USP8: variants seen among roughly 807,000 people sequenced by gnomAD.
USP8 encodes the protein ubiquitin specific peptidase 8.
In USP8, 27 loss-of-function variants were observed where a neutral mutation model predicts 130.0. The observed-to-expected ratio is 0.21, with a 90% confidence interval of 0.15 to 0.29. The LOEUF is 0.29. USP8 is among the 10% of genes least tolerant of loss of function. The probability of loss-of-function intolerance (pLI) is 1.00; values close to 1 mark genes in which losing one functional copy is unlikely to be tolerated. For missense variants in USP8, 1,029 were observed against 1,312.2 expected, an observed-to-expected ratio of 0.78 and a Z score of 3.33; for synonymous variants, 392 against 444.1, an observed-to-expected ratio of 0.88 and a Z score of 1.48.
At chr15:50,465,341 G>A in intron 7 of USP8, 150 bp downstream of exon 7, 1 of 723,880 alleles carries the variant, frequency 1.4e-6, no homozygotes, top group South Asian at 2.8e-5. Flanking sequence ...TTATGTGTGT[G>A]GGTGGTGGGG....
intron 14 of USP8, among the ~76,000 whole-genome samples, chr15:50,491,933 C>G (rs913326425): frequency 6.6e-6 from 1 of 152,062 alleles, no homozygotes; most frequent in African/African-American, 2.4e-5. Flanking sequence ...GTGGCATGAT[C>G]TCAGTTCACT....
intron 12 of USP8, among the ~76,000 whole-genome samples, chr15:50,486,756 C>T (rs895445205): frequency 6.6e-6 from 1 of 152,054 alleles, no homozygotes; most frequent in Non-Finnish European, 1.5e-5. Context: ...GACTTGGGGG[C>T]AAGAGATAAA....
intron 6 of USP8, among the ~76,000 whole-genome samples, chr15:50,463,940 G>A (rs1016151261): frequency 6.6e-6 from 1 of 152,144 alleles, no homozygotes; most frequent in African/African-American, 2.4e-5. Context: ...ATTAAATATT[G>A]CATTAGCTTT....
intron 1 of USP8, among the ~76,000 whole-genome samples, chr15:50,431,618 C>A (rs149238278): frequency 6.6e-6 from 1 of 152,176 alleles, no homozygotes; most frequent in East Asian, 1.9e-4. Context: ...TCCCTCTATC[C>A]GATTGATTAT....
chr15:50,448,420 C>T (rs1487744283), intron 3 of USP8, among the ~76,000 whole-genome samples: 4 of 152,034 alleles, frequency 2.6e-5, no homozygotes, highest in East Asian at 3.8e-4. Flanking sequence ...AATGATTGAC[C>T]TCTTGGAGTA....
chr15:50,513,625 C>A lies in USP8; in HGVS notation c.*14537C>A, dbSNP rs530616151. The stretch of plus-strand genomic sequence containing the variant: ...TACAATTCCATAAGAAAAAGGCAGG[C>A]CACAGAATAGGAAAAAGAATAAAAG... On this transcript the variant is annotated 3_prime_UTR_variant, in exon 20 of 20. Coordinates refer to ENST00000307179, the MANE Select transcript of USP8 (RefSeq NM_005154.5). 6.6e-6 allele frequency: 1 copy of A among 151,500 alleles called. No individual in the cohort carries two copies. The highest frequency in any genetic ancestry group is 2.1e-4 in the South Asian group (1 of 4,790). 9.4% of individuals were successfully genotyped at this position (151,500 alleles called of 1,614,324 possible). A position where few individuals can be genotyped will look rare whatever the true frequency, so the allele number is the denominator to read the frequency against.
intron 17 of USP8, 118 bp downstream of exon 17, chr15:50,496,202 C>T (rs775719675): frequency 4.1e-5 from 34 of 833,460 alleles, no homozygotes; most frequent in South Asian, 1.4e-4. Flanking sequence ...AAAACTCGGC[C>T]GGGCGCAGTG....
chr15:50,488,552 C>CTTTTTT (rs397853938), intron 12 of USP8, among the ~76,000 whole-genome samples: 3 of 70,940 alleles, frequency 4.2e-5, no homozygotes, highest in South Asian at 6.5e-4. Context: ...TCAAGGTTGG[C>CTTTTTT]TTTTTTTTTT....
chr15:50,461,925 A>T (rs2051022295), intron 5 of USP8, among the ~76,000 whole-genome samples: 1 of 152,120 alleles, frequency 6.6e-6, no homozygotes, highest in East Asian at 1.9e-4. Flanking sequence ...TATGTGGTGG[A>T]GGACACTGAA....
chr15:50,447,465 T>C (rs2050479146), intron 3 of USP8, among the ~76,000 whole-genome samples: 1 of 152,142 alleles, frequency 6.6e-6, no homozygotes, highest in African/African-American at 2.4e-5. Flanking sequence ...GGTCTTGAAC[T>C]CCTGACCTCA....
intron 1 of USP8, among the ~76,000 whole-genome samples, chr15:50,431,642 C>T (rs925323200): frequency 3.3e-5 from 5 of 152,154 alleles, no homozygotes; most frequent in South Asian, 2.1e-4. Context: ...CCAATAACTT[C>T]TGTAATATTC....
chr15:50,430,738 C>G (rs1323240654), intron 1 of USP8, among the ~76,000 whole-genome samples: 1 of 151,268 alleles, frequency 6.6e-6, no homozygotes, highest in Non-Finnish European at 1.5e-5. Context: ...GATTTAATAT[C>G]TGTCTGCTCT....
intron 8 of USP8, among the ~76,000 whole-genome samples, chr15:50,474,647 G>T (rs767062585): frequency 6.6e-6 from 1 of 152,206 alleles, no homozygotes; most frequent in Non-Finnish European, 1.5e-5. Flanking sequence ...CAACTGCCCA[G>T]CCAGTAAATA....
intron 7 of USP8, among the ~76,000 whole-genome samples, 167 bp downstream of exon 7, chr15:50,465,358 AG>A (rs546352284): frequency 1.6e-4 from 23 of 144,430 alleles, no homozygotes; most frequent in Non-Finnish European, 3.0e-4. Flanking sequence ...GGGGGAGGGG[AG>A]GGGGAGGTAC....
intron 10 of USP8, among the ~76,000 whole-genome samples, chr15:50,480,931 A>G (rs754571565): frequency 6.6e-6 from 1 of 152,080 alleles, no homozygotes; most frequent in Non-Finnish European, 1.5e-5. Flanking sequence ...GGAGGGACAG[A>G]TATAGGAGGA....
At chr15:50,433,637 T>G (rs1437289881) in intron 1 of USP8, among the ~76,000 whole-genome samples, 1 of 151,826 alleles carries the variant, frequency 6.6e-6, no homozygotes, top group East Asian at 1.9e-4. Flanking sequence ...TGAGATGGAG[T>G]CTCTGTTGCC....
intron 8 of USP8, among the ~76,000 whole-genome samples, chr15:50,473,624 G>A (rs1199294563): frequency 6.6e-6 from 1 of 151,380 alleles, no homozygotes; most frequent in Non-Finnish European, 1.5e-5. Context: ...TCAGCCTCCT[G>A]AGTAGCTGGG....
Position 50,508,307 on chromosome 15 carries a change from A to T in USP8, c.*9219A>T, listed in dbSNP as rs2052691613. 6.6e-6 allele frequency: 1 copy of T among 152,298 alleles called. No individual in the cohort carries two copies. Among genetic ancestry groups the T allele is most frequent in the African/African-American group, 2.4e-5 (1 of 41,574 alleles). The allele number at this position is 152,298 out of a possible 1,614,324, so 9.4% of individuals were successfully genotyped here. ...ATGCACTGATGTCTGAGAATGTCTTAAAAATAATACGATGCCAAGAAGAGA... is the reference window on the plus strand; with the variant it reads ...ATGCACTGATGTCTGAGAATGTCTTTAAAATAATACGATGCCAAGAAGAGA... On this transcript the variant is annotated 3_prime_UTR_variant, in exon 20 of 20. Coordinates refer to ENST00000307179, the MANE Select transcript of USP8 (RefSeq NM_005154.5).
At chr15:50,460,301 C>CTTTTTT (rs1168064692) in intron 5 of USP8, among the ~76,000 whole-genome samples, 13 of 77,360 alleles carry the variant, frequency 1.7e-4, no homozygotes, top group African/African-American at 3.7e-4. Context: ...CCTGGCTCTT[C>CTTTTTT]TTTTTTTTTT....
Sources: allele counts gnomAD v4.1 joint callset (sites outside exome capture counted in the v4.1 genomes callset), GRCh38; gene constraint gnomAD v4.1.1; transcripts MANE v1.5; gene names NCBI Gene and HGNC (gene_info 2026-07-23, HGNC 2026-07-21).